The following CORO2A variants were observed in gnomAD, a reference collection of about 807,000 sequenced individuals.
CORO2A encodes coronin-2A.
In CORO2A, 47 loss-of-function variants were observed where a neutral mutation model predicts 62.4. The ratio of observed to expected loss-of-function variants is 0.75; its 90% CI spans 0.60 to 0.96. The LOEUF is 0.96. Ranked by LOEUF, CORO2A falls within the 40% of genes least tolerant of loss-of-function variation. The pLI is 0.00. For synonymous variants in CORO2A, 273 were observed against 268.9 expected, an observed-to-expected ratio of 1.02 and a Z score of -0.15; for missense variants, 610 against 684.1, an observed-to-expected ratio of 0.89 and a Z score of 1.21.
chr9:98,132,533 A>G (rs1827423255), intron 5 of CORO2A, among the ~76,000 whole-genome samples: 1 of 152,212 alleles, frequency 6.6e-6, no homozygotes, highest in African/African-American at 2.4e-5. Context: ...AAGAACAGAA[A>G]CAAACTTCTG....
At chr9:98,136,546 T>C (rs1183480048) in intron 3 of CORO2A, among the ~76,000 whole-genome samples, 1 of 152,240 alleles carries the variant, frequency 6.6e-6, no homozygotes, top group Non-Finnish European at 1.5e-5. Context: ...TAGTATTTCC[T>C]CAGTTTCTCC....
chr9:98,185,158 C>T (rs56350443), intron 1 of CORO2A, among the ~76,000 whole-genome samples: 13,757 of 152,150 alleles, frequency 0.09, 1,265 homozygotes, highest in African/African-American at 0.24. Context: ...GGGAGCCTTC[C>T]ATGACCCCCC....
chr9:98,131,245 G>T (rs1233677029), intron 6 of CORO2A, among the ~76,000 whole-genome samples, 186 bp from the exon 7 acceptor site: 2 of 152,022 alleles, frequency 1.3e-5, no homozygotes, highest in Non-Finnish European at 2.9e-5. Flanking sequence ...CAATGTGTGG[G>T]CTACTCTCTA....
At chr9:98,135,098 C>T in intron 3 of CORO2A, 143 bp from the exon 4 acceptor site, 1 of 1,075,148 alleles carries the variant, frequency 9.3e-7, no homozygotes, top group Non-Finnish European at 1.3e-6. Context: ...TGGCTATGGG[C>T]ATTGAGGGGC....
chr9:98,172,262 T>C (rs1213583806), intron 1 of CORO2A, among the ~76,000 whole-genome samples: 20 of 74,916 alleles, frequency 2.7e-4, no homozygotes, highest in South Asian at 1.0e-3. Context: ...CCGAGCTCAG[T>C]CCCACACCCC....
At chr9:98,183,464 C>T (rs1013766478) in intron 1 of CORO2A, among the ~76,000 whole-genome samples, 4 of 152,222 alleles carry the variant, frequency 2.6e-5, no homozygotes, top group African/African-American at 9.6e-5. Context: ...TGAGTGCTGA[C>T]TTCATCCCTG....
intron 6 of CORO2A, among the ~76,000 whole-genome samples, chr9:98,131,653 C>A (rs559973454): frequency 6.6e-6 from 1 of 152,246 alleles, no homozygotes; most frequent in Admixed American, 6.5e-5. Context: ...CGATCTCATT[C>A]CAATCTTCCC....
In CORO2A at chr9:98,184,227, A is replaced by G. The variant is rs866486880; in HGVS notation, c.-1+8332T>C. 4.4e-5 allele frequency among the ~76,000 whole-genome samples: 6 copies of G among 135,826 alleles called. No homozygotes were observed. In the South Asian group the frequency reaches 1.4e-3, roughly 31 times the overall value. The allele number at this position is 135,826 out of a possible 152,430, so 89.1% of individuals were successfully genotyped here. On this transcript the variant is annotated intron_variant, in intron 1 of 11. Transcript: ENST00000375077. ...TATCTATCAAGTATAAAATTATTTTATTTTATTTTTTTTTTTAATAGAGGC... is the reference window on the plus strand; with the variant it reads ...TATCTATCAAGTATAAAATTATTTTGTTTTATTTTTTTTTTTAATAGAGGC...
intron 11 of CORO2A, among the ~76,000 whole-genome samples, chr9:98,125,143 A>T (rs1292601286): frequency 6.6e-6 from 1 of 152,196 alleles, no homozygotes; most frequent in Non-Finnish European, 1.5e-5. Context: ...ATCCTCCATG[A>T]AATAGAGGAA....
intron 4 of CORO2A, among the ~76,000 whole-genome samples, chr9:98,134,484 C>T (rs1827456533): frequency 6.6e-6 from 1 of 152,160 alleles, no homozygotes; most frequent in South Asian, 2.1e-4. Flanking sequence ...AAGATGAGAT[C>T]ATAATGGATT....
In CORO2A at chr9:98,131,023, C is replaced by A. The variant is rs1280693777; in HGVS notation, c.802G>T (p.Asp268Tyr). 1.9e-6 allele frequency: 3 copies of A among 1,613,680 alleles called. No individual in the cohort carries two copies. Among genetic ancestry groups the A allele is most frequent in the African/African-American group, 1.3e-5 (1 of 74,884 alleles). ...GGAAACAGCACGCCCGAGGAGCCGT[C>A]CAGGTCCTCCTCCATCAGAGGCACA... ...LSVPLMEEDL[D>Y]GSSGVLFPFY... The change falls in exon 7 of 12, where the codon GAC becomes TAC. Residue 268 changes from aspartate (D) to tyrosine (Y), a missense_variant. Transcript: ENST00000375077.
In CORO2A at chr9:98,130,968, T is replaced by C; in HGVS notation, c.857A>G (p.Tyr286Cys). The C allele has an allele frequency of 1.9e-6, 3 of 1,613,710 alleles. No individual in the cohort carries two copies. Among genetic ancestry groups the C allele is most frequent in the Non-Finnish European group, 2.5e-6 (3 of 1,179,844 alleles). The change falls in exon 7 of 12, where the codon TAC (tyrosine) becomes TGC (cysteine). Residue 286 changes from tyrosine (Y) to cysteine (C), a missense_variant. Physicochemically the swap from Tyr to Cys is radical, Grantham distance 194 (BLOSUM62 -2). Transcript: ENST00000375077. ...PFYDADTSML[Y>C]VVGKGDGNIR... ...TGCCAAGCCGACCTTCCCCACCACG[T>C]AGAGCATGCTGGTGTCCGCGTCATA...
intron 2 of CORO2A, among the ~76,000 whole-genome samples, chr9:98,151,773 C>T (rs903437949): frequency 4.6e-5 from 7 of 151,190 alleles, no homozygotes; most frequent in Non-Finnish European, 8.8e-5. Context: ...AGCAATTCTC[C>T]TGCCTCTGGG....
chr9:98,187,554 T>C lies in CORO2A; in HGVS notation c.-1+5005A>G, dbSNP rs530406808. Among the ~76,000 whole-genome samples, 7 of 152,220 alleles carry C rather than the reference T, an allele frequency of 4.6e-5. No homozygotes were observed. The South Asian group carries it at 1.5e-3, about 32-fold the overall frequency. ...GAAGTCCAAGACTAAGACAGCAGAT[T>C]TGGAGTCTGGTGAGGGCCCACTTCC... On this transcript the variant is annotated intron_variant, in intron 1 of 11. Coordinates refer to ENST00000375077, the MANE Select transcript of CORO2A (RefSeq NM_052820.4).
intron 2 of CORO2A, among the ~76,000 whole-genome samples, chr9:98,146,570 C>T (rs1022278823): frequency 9.2e-5 from 14 of 152,228 alleles, no homozygotes; most frequent in African/African-American, 3.4e-4. Flanking sequence ...GCTAGCTTGT[C>T]CCTTCCTTGT....
At chr9:98,143,960 C>A (rs942861339) in intron 2 of CORO2A, among the ~76,000 whole-genome samples, 2 of 152,152 alleles carry the variant, frequency 1.3e-5, no homozygotes, top group African/African-American at 4.8e-5. Flanking sequence ...GTAATTCCAG[C>A]ACTTTGGAAG....
rs560327361 is a variant in CORO2A, at chr9:98,162,138, G to A, written c.1-4478C>T. ...GATGTAGGTGTTCAGGCCAGTAACC[G>A]GGTCACACAGCTAGTGAACAGCAGG... On this transcript the variant is annotated intron_variant, in intron 1 of 11. Coordinates refer to ENST00000375077, the MANE Select transcript of CORO2A (RefSeq NM_052820.4). 5.9e-5 allele frequency among the ~76,000 whole-genome samples: 9 copies of A among 152,274 alleles called. No homozygotes were observed. In the South Asian group the frequency reaches 1.7e-3, roughly 28 times the overall value.
intron 1 of CORO2A, among the ~76,000 whole-genome samples, chr9:98,169,855 C>T (rs901570369): frequency 6.6e-6 from 1 of 152,196 alleles, no homozygotes; most frequent in Non-Finnish European, 1.5e-5. Flanking sequence ...TCTTAGAATG[C>T]CCCTTCCTGT....
intron 2 of CORO2A, among the ~76,000 whole-genome samples, chr9:98,142,595 G>T (rs1490881671): frequency 6.6e-6 from 1 of 152,272 alleles, no homozygotes; most frequent in Non-Finnish European, 1.5e-5. Context: ...AGCCAGATGA[G>T]CCAATAGTCA....
Sources: gnomAD v4.1 joint callset for allele counts (sites outside exome capture counted in the v4.1 genomes callset) on GRCh38, gnomAD v4.1.1 for gene constraint, MANE v1.5 for transcripts, NCBI Gene and HGNC (gene_info 2026-07-23, HGNC 2026-07-21) for gene names.